The following GLCCI1 variants were observed in gnomAD, a reference collection of about 807,000 sequenced individuals.
The protein encoded by GLCCI1 is glucocorticoid-induced transcript 1 protein.
In GLCCI1, 24 loss-of-function variants were observed where a neutral mutation model predicts 52.2. The ratio of observed to expected loss-of-function variants is 0.46; its 90% CI spans 0.33 to 0.65. The LOEUF (loss-of-function observed/expected upper bound fraction) is 0.65. Among genes scored for constraint, GLCCI1 ranks in the 30% least tolerant of loss-of-function variants. The pLI is 0.02. For missense variants in GLCCI1, 704 were observed against 701.5 expected (o/e 1.00, Z -0.04); for synonymous variants, 310 against 276.5 (o/e 1.12, Z -1.20).
At chr7:8,058,197 G>C (rs12056007) in intron 4 of GLCCI1, among the ~76,000 whole-genome samples, 18,235 of 152,042 alleles carry the variant, frequency 0.12, 1,448 homozygotes, top group East Asian at 0.26. Flanking sequence ...AATACAAAAT[G>C]CCTGGAATCA....
At chr7:8,062,536 A>T (rs771624912) in intron 5 of GLCCI1, among the ~76,000 whole-genome samples, 2 of 152,188 alleles carry the variant, frequency 1.3e-5, no homozygotes, top group Non-Finnish European at 2.9e-5. Context: ...TGTCACTGGA[A>T]TTTGGTGTAC....
intron 3 of GLCCI1, among the ~76,000 whole-genome samples, chr7:8,044,139 G>A (rs1237790325): frequency 6.6e-6 from 1 of 151,784 alleles, no homozygotes; most frequent in Non-Finnish European, 1.5e-5. Flanking sequence ...TAGAGACAGG[G>A]TTTCACCATG....
intron 1 of GLCCI1, among the ~76,000 whole-genome samples, chr7:7,998,598 AG>A: frequency 6.6e-6 from 1 of 152,178 alleles, no homozygotes; most frequent in Admixed American, 6.5e-5. Flanking sequence ...CTTTTTCCAA[AG>A]AAGCTATAGT....
intron 6 of GLCCI1, among the ~76,000 whole-genome samples, chr7:8,075,198 A>C (rs1175293884): frequency 6.6e-6 from 1 of 152,162 alleles, no homozygotes; most frequent in Non-Finnish European, 1.5e-5. Flanking sequence ...TAATGCCAGG[A>C]CAAAAACACT....
chr7:8,058,650 G>A (rs1782452747), intron 4 of GLCCI1, among the ~76,000 whole-genome samples: 1 of 152,102 alleles, frequency 6.6e-6, no homozygotes, highest in Non-Finnish European at 1.5e-5. Context: ...AATCATGATA[G>A]GTTAAGTATT....
intron 4 of GLCCI1, among the ~76,000 whole-genome samples, chr7:8,056,892 T>A (rs917868856): frequency 5.9e-5 from 9 of 152,228 alleles, no homozygotes; most frequent in Non-Finnish European, 1.2e-4. Context: ...TTATTGATAT[T>A]ATTTGCTAGT....
intron 3 of GLCCI1, among the ~76,000 whole-genome samples, chr7:8,048,594 C>G (rs956626163): frequency 6.6e-6 from 1 of 152,120 alleles, no homozygotes; most frequent in Non-Finnish European, 1.5e-5. Flanking sequence ...TAAAACTCCT[C>G]TCTTTTCATT....
chr7:8,053,978 A>G (rs934950560), intron 3 of GLCCI1, among the ~76,000 whole-genome samples: 2 of 152,134 alleles, frequency 1.3e-5, no homozygotes, highest in Admixed American at 6.5e-5. Flanking sequence ...TTTCTGGCTT[A>G]TTTTGACATC....
chr7:8,034,983 C>T (rs1318549289), intron 3 of GLCCI1, among the ~76,000 whole-genome samples: 1 of 152,082 alleles, frequency 6.6e-6, no homozygotes, highest in East Asian at 1.9e-4. Context: ...GATGGCAGGC[C>T]CAATATATTT....
intron 3 of GLCCI1, among the ~76,000 whole-genome samples, chr7:8,033,555 A>G (rs752508446): frequency 6.6e-6 from 1 of 152,280 alleles, no homozygotes; most frequent in South Asian, 2.1e-4. Flanking sequence ...CCAAGGTTAC[A>G]TGATATGAGA....
intron 3 of GLCCI1, among the ~76,000 whole-genome samples, chr7:8,027,901 T>G (rs2127950597): frequency 6.6e-6 from 1 of 152,294 alleles, no homozygotes; most frequent in African/African-American, 2.4e-5. Flanking sequence ...AAAGGGTCAA[T>G]TCAACAAGAG....
intron 5 of GLCCI1, among the ~76,000 whole-genome samples, chr7:8,060,775 A>G (rs1316952365): frequency 2.0e-5 from 3 of 152,202 alleles, no homozygotes; most frequent in African/African-American, 4.8e-5. Context: ...TAATGCTTCT[A>G]TAAACATTTG....
intron 6 of GLCCI1, among the ~76,000 whole-genome samples, chr7:8,073,428 T>C (rs1392182049): frequency 2.6e-5 from 4 of 152,192 alleles, no homozygotes; most frequent in Admixed American, 1.3e-4. Flanking sequence ...TTTGTTGGTA[T>C]ATTTTCCTCT....
intron 1 of GLCCI1, among the ~76,000 whole-genome samples, chr7:7,995,988 CTT>C (rs2115420272): frequency 2.0e-5 from 3 of 151,946 alleles, no homozygotes; most frequent in African/African-American, 7.2e-5. Flanking sequence ...TTGTTGTGCT[CTT>C]GTTAAAAACA....
chr7:8,036,340 C>G (rs1018203797), intron 3 of GLCCI1, among the ~76,000 whole-genome samples: 1 of 151,986 alleles, frequency 6.6e-6, no homozygotes. Context: ...GGAAAGCACC[C>G]AGAATAAAAG....
In GLCCI1 at chr7:7,969,260, A is replaced by G; in HGVS notation, c.-91A>G. 9.4e-7 allele frequency: 1 copy of G among 1,062,336 alleles called. No individual in the cohort carries two copies. The highest frequency in any genetic ancestry group is 1.1e-6 in the Non-Finnish European group (1 of 874,246). 65.8% of individuals were successfully genotyped at this position (1,062,336 alleles called of 1,614,324 possible). A position where few individuals can be genotyped will look rare whatever the true frequency, so the allele number is the denominator to read the frequency against. The stretch of plus-strand genomic sequence containing the variant: ...CCGCCCCTCCCCCTTACACACTCGC[A>G]CGCACTATCGCGCCGGCTCCCACAC... On this transcript the variant is annotated 5_prime_UTR_variant, in exon 1 of 8. Transcript: ENST00000223145. This position sits in a 1 kb window ranked among gnomAD's most constrained non-coding sequence, Gnocchi z 4.9.
chr7:8,048,989 T>A (rs1782197085), intron 3 of GLCCI1, among the ~76,000 whole-genome samples: 1 of 152,196 alleles, frequency 6.6e-6, no homozygotes, highest in South Asian at 2.1e-4. Context: ...TTTGTTTTTG[T>A]TTTTACTATT....
intron 3 of GLCCI1, among the ~76,000 whole-genome samples, chr7:8,037,944 G>C (rs1224226621): frequency 2.0e-5 from 3 of 152,066 alleles, no homozygotes; most frequent in Non-Finnish European, 4.4e-5. Context: ...TAGTGGATAG[G>C]GGACTTCAGC....
At chr7:8,002,137 A>G (rs898235503) in intron 1 of GLCCI1, among the ~76,000 whole-genome samples, 1 of 152,198 alleles carries the variant, frequency 6.6e-6, no homozygotes, top group Non-Finnish European at 1.5e-5. Context: ...GTGCTAAATA[A>G]TATAGAACTA....
Sources: gnomAD v4.1 joint callset for allele counts (sites outside exome capture counted in the v4.1 genomes callset) on GRCh38, gnomAD v4.1.1 for gene constraint, Gnocchi (gnomAD v3.1) non-coding constraint, MANE v1.5 for transcripts, NCBI Gene and HGNC (gene_info 2026-07-23, HGNC 2026-07-21) for gene names.